The following GALNT14 variants were observed in gnomAD, a reference collection of about 807,000 sequenced individuals.
GALNT14 encodes the protein UDP-GalNAc:polypeptide N-acetylgalactosaminyltransferase 14.
A neutral mutation model predicts 77.5 loss-of-function variants in GALNT14; 60 were observed. The observed-to-expected ratio is 0.77, with a 90% CI of 0.63 to 0.96. GALNT14 has a LOEUF of 0.96. Among genes scored for constraint, GALNT14 ranks in the 40% least tolerant of loss-of-function variants. GALNT14 has a pLI of 0.00. For missense variants in GALNT14, 710 were observed against 731.0 expected (o/e 0.97, Z 0.33); for synonymous variants, 280 against 281.7 (o/e 0.99, Z 0.06).
chr2:31,063,364 G>A (rs1674724842), intron 1 of GALNT14, among the ~76,000 whole-genome samples: 1 of 152,158 alleles, frequency 6.6e-6, no homozygotes, highest in Middle Eastern at 3.2e-3. Flanking sequence ...AACATCAGAT[G>A]GTTGTGGATG....
chr2:31,117,414 C>T (rs2148632718), intron 1 of GALNT14, among the ~76,000 whole-genome samples: 1 of 152,208 alleles, frequency 6.6e-6, no homozygotes, highest in East Asian at 1.9e-4. Context: ...ATTTCTAAAA[C>T]AGGAATATTC....
the GALNT14 span, among the ~76,000 whole-genome samples, chr2:30,891,318 G>A: frequency 1.3e-5 from 2 of 152,116 alleles, no homozygotes; most frequent in Non-Finnish European, 2.9e-5. Flanking sequence ...GCCTGTGCTA[G>A]CCAGGTGATG....
intron 1 of GALNT14, among the ~76,000 whole-genome samples, chr2:31,109,592 A>G (rs1301530661): frequency 1.3e-5 from 2 of 152,210 alleles, no homozygotes; most frequent in Non-Finnish European, 2.9e-5. Flanking sequence ...AAACACACAG[A>G]CATAGAGACA....
chr2:30,907,922 A>G (rs1320344585), downstream of GALNT14, among the ~76,000 whole-genome samples: 1 of 111,616 alleles, frequency 9.0e-6, no homozygotes, highest in Non-Finnish European at 1.8e-5. Flanking sequence ...AAATCAATAA[A>G]TGTAATCCAG....
At chr2:31,117,640 T>C (rs923306516) in intron 1 of GALNT14, among the ~76,000 whole-genome samples, 3 of 152,198 alleles carry the variant, frequency 2.0e-5, no homozygotes, top group Non-Finnish European at 4.4e-5. Flanking sequence ...ATGTGCAACT[T>C]TGGTAAAATT....
intron 1 of GALNT14, among the ~76,000 whole-genome samples, chr2:31,025,192 CA>C (rs1411927299): frequency 2.0e-5 from 3 of 152,182 alleles, no homozygotes; most frequent in Non-Finnish European, 2.9e-5. Context: ...ATGTAGTTAT[CA>C]CTATTATTCC....
chr2:30,936,988 C>T (rs2148267309), intron 9 of GALNT14, among the ~76,000 whole-genome samples: 1 of 152,308 alleles, frequency 6.6e-6, no homozygotes, highest in Non-Finnish European at 1.5e-5. Flanking sequence ...GGGGGTCTCC[C>T]TTGGGCATGG....
chr2:31,124,050 C>CGCTCCCTACACAGG (rs1167571867), intron 1 of GALNT14, among the ~76,000 whole-genome samples: 1 of 152,200 alleles, frequency 6.6e-6, no homozygotes, highest in Non-Finnish European at 1.5e-5. Flanking sequence ...AATTCACCCC[C>CGCTCCCTACACAGG]GCTTCCTACA....
Position 31,138,393 on chromosome 2 carries a change from T to TACCGCCGCC in GALNT14, c.-308_-307insGGCGGCGGT. On this transcript the variant is annotated 5_prime_UTR_variant, in exon 1 of 15. Transcript: ENST00000349752. ...ATGTTCCCCACGCCGCCACCGCGGC[T>TACCGCCGCC]GCCGCCGCCGCCGCCGCCGCCTTGC... 2.9e-6 allele frequency: 1 copy of TACCGCCGCC among 341,156 alleles called. No homozygotes were observed. Among genetic ancestry groups the TACCGCCGCC allele is most frequent in the Non-Finnish European group, 5.4e-6 (1 of 185,958 alleles). The allele number at this position is 341,156 out of a possible 1,614,324, so 21.1% of individuals were successfully genotyped here. A position where few individuals can be genotyped will look rare whatever the true frequency, so the allele number is the denominator to read the frequency against.
chr2:30,995,146 G>A (rs1669949091), intron 1 of GALNT14, among the ~76,000 whole-genome samples: 1 of 60,140 alleles, frequency 1.7e-5, no homozygotes, highest in Admixed American at 1.6e-4. Context: ...GTGTGTGTGT[G>A]TGTGTGTGTG....
chr2:30,929,162 C>T (rs767541906), intron 11 of GALNT14, among the ~76,000 whole-genome samples: 6 of 152,214 alleles, frequency 3.9e-5, no homozygotes, highest in Non-Finnish European at 8.8e-5. Flanking sequence ...AGCTCAGCTC[C>T]CCTAGAGCTG....
chr2:31,026,096 C>T (rs938582214), intron 1 of GALNT14, among the ~76,000 whole-genome samples: 7 of 152,218 alleles, frequency 4.6e-5, no homozygotes, highest in Admixed American at 3.3e-4. Flanking sequence ...TTGACCATCA[C>T]AGAGAGCTCG....
intron 1 of GALNT14, among the ~76,000 whole-genome samples, chr2:31,084,252 G>C (rs1358076812): frequency 6.6e-6 from 1 of 152,230 alleles, no homozygotes; most frequent in Non-Finnish European, 1.5e-5. Flanking sequence ...CTGAGGCTAA[G>C]AGAGGTAAGC....
chr2:30,990,824 C>T (rs1432870652), intron 2 of GALNT14, among the ~76,000 whole-genome samples: 1 of 152,202 alleles, frequency 6.6e-6, no homozygotes. Context: ...TGCCCTGAGG[C>T]AGACATATGG....
At chr2:31,106,407 C>T (rs1677564908) in intron 1 of GALNT14, among the ~76,000 whole-genome samples, 1 of 152,110 alleles carries the variant, frequency 6.6e-6, no homozygotes, top group Non-Finnish European at 1.5e-5. Flanking sequence ...ATTAATGCTT[C>T]CCTTATTTAT....
chr2:31,114,183 G>T (rs886700326), intron 1 of GALNT14, among the ~76,000 whole-genome samples: 1 of 151,720 alleles, frequency 6.6e-6, no homozygotes, highest in Non-Finnish European at 1.5e-5. Context: ...GCCACCTTTC[G>T]TGTTTCTTTC....
intron 1 of GALNT14, among the ~76,000 whole-genome samples, chr2:31,089,103 T>C (rs1358372279): frequency 6.6e-6 from 1 of 152,184 alleles, no homozygotes; most frequent in Middle Eastern, 3.2e-3. Context: ...CTTAAATGTC[T>C]TTCTAATTTT....
intron 13 of GALNT14, among the ~76,000 whole-genome samples, chr2:30,913,972 A>C (rs989397056): frequency 4.6e-5 from 7 of 152,174 alleles, no homozygotes; most frequent in Non-Finnish European, 7.3e-5. Context: ...TGTGACCATC[A>C]CATTCTACAC....
chr2:30,988,908 T>C (rs1669485635), intron 2 of GALNT14, among the ~76,000 whole-genome samples: 2 of 152,152 alleles, frequency 1.3e-5, no homozygotes, highest in African/African-American at 4.8e-5. Flanking sequence ...TTGAGAATAG[T>C]TGTTCTAAGT....
Sources: gnomAD v4.1 joint callset for allele counts (sites outside exome capture counted in the v4.1 genomes callset) on GRCh38, gnomAD v4.1.1 for gene constraint, MANE v1.5 for transcripts, NCBI Gene and HGNC (gene_info 2026-07-23, HGNC 2026-07-21) for gene names.